PTPRD: variants seen among roughly 807,000 people sequenced by gnomAD.
The protein encoded by PTPRD is receptor-type tyrosine-protein phosphatase delta.
A neutral mutation model predicts 214.5 loss-of-function variants in PTPRD; 34 were observed. That is an observed-to-expected ratio of 0.16 (90% CI 0.12 to 0.21). The LOEUF (loss-of-function observed/expected upper bound fraction) is 0.21, where lower values mean the gene tolerates loss of function less well. PTPRD is among the 10% of genes least tolerant of loss of function. The pLI is 1.00. For missense variants in PTPRD, 2,545 were observed against 2,398.7 expected (o/e 1.06, Z -1.27); for synonymous variants, 1,128 against 845.7 (o/e 1.33, Z -5.79).
rs72696960 is a variant in PTPRD, at chr9:10,181,614, A to G, written c.-544-147824T>C. Among the ~76,000 whole-genome samples the G allele has an allele frequency of 6.4e-3, 969 of 152,162 alleles. 5 individuals are homozygous for G. Among genetic ancestry groups the G allele is most frequent in the Non-Finnish European group, 0.011 (732 of 67,984 alleles). Reference sequence around the variant, plus strand: ...GCAAAAATAGAGAACTGATTCTGTCAGATACTAAGGTATATTATAAAACAT... The same window carrying G: ...GCAAAAATAGAGAACTGATTCTGTCGGATACTAAGGTATATTATAAAACAT... On this transcript the variant is annotated intron_variant, in intron 3 of 45. Coordinates refer to ENST00000381196, the MANE Select transcript of PTPRD (RefSeq NM_002839.4).
chr9:10,193,906 G>C (rs2099385416), intron 3 of PTPRD, among the ~76,000 whole-genome samples: 1 of 152,112 alleles, frequency 6.6e-6, no homozygotes, highest in African/African-American at 2.4e-5. Flanking sequence ...TGCTTTGTTA[G>C]ATGCTCCGAA....
chr9:9,865,019 T>C (rs1454569442), intron 5 of PTPRD, among the ~76,000 whole-genome samples: 1 of 151,878 alleles, frequency 6.6e-6, no homozygotes, highest in Non-Finnish European at 1.5e-5. Flanking sequence ...TAAACAAAAA[T>C]ACCTCTATAT....
chr9:9,849,669 T>C (rs908333598), intron 5 of PTPRD, among the ~76,000 whole-genome samples: 1 of 152,136 alleles, frequency 6.6e-6, no homozygotes, highest in Non-Finnish European at 1.5e-5. Context: ...GGCATTTTAA[T>C]ATCTTAGTTC....
chr9:8,647,101 G>C (rs899531622), intron 12 of PTPRD, among the ~76,000 whole-genome samples: 1 of 152,200 alleles, frequency 6.6e-6, no homozygotes, highest in Non-Finnish European at 1.5e-5. Context: ...ATGTAGCACA[G>C]CCAGATTACA....
At chr9:8,767,068 CA>C (rs1452249557) in intron 11 of PTPRD, among the ~76,000 whole-genome samples, 1 of 152,022 alleles carries the variant, frequency 6.6e-6, no homozygotes, top group Admixed American at 6.6e-5. Flanking sequence ...CAAACAAAAC[CA>C]AAATGAAGAA....
At chr9:8,545,536 A>C (rs1458981799) in intron 14 of PTPRD, among the ~76,000 whole-genome samples, 1 of 152,228 alleles carries the variant, frequency 6.6e-6, no homozygotes, top group Non-Finnish European at 1.5e-5. Context: ...AACAGAGTCA[A>C]CTATCACTGA....
At chr9:9,740,188 G>A (rs1277502581) in intron 6 of PTPRD, among the ~76,000 whole-genome samples, 2 of 152,000 alleles carry the variant, frequency 1.3e-5, no homozygotes, top group Non-Finnish European at 2.9e-5. Context: ...ATTAGAAGAT[G>A]CATGTTGTCA....
intron 14 of PTPRD, among the ~76,000 whole-genome samples, chr9:8,598,654 C>T (rs1178314703): frequency 6.6e-6 from 1 of 152,008 alleles, no homozygotes; most frequent in Non-Finnish European, 1.5e-5. Context: ...TTCCAAAAAC[C>T]AATCAAATGT....
At chr9:10,216,319 A>T (rs1312236281) in intron 3 of PTPRD, among the ~76,000 whole-genome samples, 1 of 151,902 alleles carries the variant, frequency 6.6e-6, no homozygotes, top group Non-Finnish European at 1.5e-5. Context: ...GGGGTTAGAG[A>T]GCTTCAAAAA....
intron 2 of PTPRD, among the ~76,000 whole-genome samples, chr9:10,436,014 T>A (rs1052224831): frequency 6.6e-5 from 10 of 151,760 alleles, no homozygotes; most frequent in African/African-American, 2.4e-4. Context: ...GGACTATCAA[T>A]TCCCTAAGAT....
intron 5 of PTPRD, among the ~76,000 whole-genome samples, chr9:9,850,597 G>T (rs1305114615): frequency 6.6e-6 from 1 of 152,022 alleles, no homozygotes; most frequent in Non-Finnish European, 1.5e-5. Context: ...TGTAAATGAT[G>T]ATGTAAAATA....
intron 3 of PTPRD, among the ~76,000 whole-genome samples, chr9:10,083,049 T>A (rs1055190314): frequency 6.6e-6 from 1 of 152,034 alleles, no homozygotes; most frequent in African/African-American, 2.4e-5. Flanking sequence ...TGAACCTATA[T>A]AAATAAATCC....
chr9:8,771,029 A>C (rs2154484893), intron 11 of PTPRD, among the ~76,000 whole-genome samples: 1 of 152,002 alleles, frequency 6.6e-6, no homozygotes, highest in South Asian at 2.1e-4. Context: ...AATACAAAAA[A>C]AATTAGCCGG....
chr9:9,822,178 T>A (rs2050992403), intron 5 of PTPRD, among the ~76,000 whole-genome samples: 1 of 150,508 alleles, frequency 6.6e-6, no homozygotes, highest in Non-Finnish European at 1.5e-5. Flanking sequence ...TTTGGGAGGC[T>A]GAGGTGGGTG....
intron 7 of PTPRD, among the ~76,000 whole-genome samples, chr9:9,586,201 C>T (rs2091919536): frequency 1.3e-5 from 2 of 151,882 alleles, no homozygotes; most frequent in African/African-American, 4.8e-5. Flanking sequence ...TCTTTTTCCC[C>T]TTCCAATTAC....
chr9:10,573,082 G>A (rs974872261), intron 2 of PTPRD, among the ~76,000 whole-genome samples: 2 of 151,988 alleles, frequency 1.3e-5, no homozygotes, highest in East Asian at 3.9e-4. Flanking sequence ...AACAGAATTA[G>A]CAGATACCTT....
intron 14 of PTPRD, among the ~76,000 whole-genome samples, chr9:8,592,647 C>T (rs1243792067): frequency 6.6e-6 from 1 of 152,144 alleles, no homozygotes; most frequent in Non-Finnish European, 1.5e-5. Context: ...TTTCTTTATT[C>T]ACATGACAAA....
intron 4 of PTPRD, among the ~76,000 whole-genome samples, chr9:10,027,553 G>A (rs1156735804): frequency 6.6e-6 from 1 of 152,140 alleles, no homozygotes; most frequent in African/African-American, 2.4e-5. Flanking sequence ...AACAGGATAA[G>A]AGAAGAATAT....
At chr9:9,030,842 T>G (rs1274010455) in intron 10 of PTPRD, among the ~76,000 whole-genome samples, 1 of 152,164 alleles carries the variant, frequency 6.6e-6, no homozygotes, top group East Asian at 1.9e-4. Flanking sequence ...TATACATGTT[T>G]ACATGTCTAT....
Sources: gnomAD v4.1 joint callset for allele counts (sites outside exome capture counted in the v4.1 genomes callset) on GRCh38, gnomAD v4.1.1 for gene constraint, MANE v1.5 for transcripts, NCBI Gene and HGNC (gene_info 2026-07-23, HGNC 2026-07-21) for gene names.